Variants in FAM171A1 observed in about 807,000 individuals in gnomAD.
FAM171A1 encodes family with sequence similarity 171 member A1.
In FAM171A1, 23 loss-of-function variants were observed where a neutral mutation model predicts 74.9. That is an observed-to-expected ratio of 0.31 (90% CI 0.22 to 0.44). The LOEUF (loss-of-function observed/expected upper bound fraction) is 0.44. Among genes scored for constraint, FAM171A1 ranks in the 20% least tolerant of loss-of-function variants. FAM171A1 has a pLI of 1.00. For missense variants in FAM171A1, 1,162 were observed against 1,159.2 expected (o/e 1.00, Z -0.03); for synonymous variants, 527 against 505.7 (o/e 1.04, Z -0.57).
chr10:15,222,901 C>T (rs562229310), intron 5 of FAM171A1, among the ~76,000 whole-genome samples: 1 of 152,352 alleles, frequency 6.6e-6, no homozygotes, highest in African/African-American at 2.4e-5. Context: ...CCAGAAAGAG[C>T]AGACTGTAAG....
At chr10:15,244,369 A>G (rs1203652148) in intron 5 of FAM171A1, among the ~76,000 whole-genome samples, 1 of 152,016 alleles carries the variant, frequency 6.6e-6, no homozygotes, top group Non-Finnish European at 1.5e-5. Flanking sequence ...AAGCCCCCCA[A>G]ATTAGCTAGG....
At chr10:15,261,655 T>C (rs895789823) in intron 3 of FAM171A1, among the ~76,000 whole-genome samples, 3 of 152,090 alleles carry the variant, frequency 2.0e-5, no homozygotes, top group Non-Finnish European at 2.9e-5. Flanking sequence ...GGGCTGGTAT[T>C]TGTGAACTGT....
chr10:15,349,508 T>C (rs1436109920), intron 1 of FAM171A1, among the ~76,000 whole-genome samples: 1 of 152,188 alleles, frequency 6.6e-6, no homozygotes, highest in Non-Finnish European at 1.5e-5. Context: ...CAAGTCATTC[T>C]TGATTGCTAA....
At chr10:15,303,612 A>T (rs1346397819) in intron 1 of FAM171A1, among the ~76,000 whole-genome samples, 1 of 152,212 alleles carries the variant, frequency 6.6e-6, no homozygotes, top group African/African-American at 2.4e-5. Context: ...TACAACAGAC[A>T]ATGGGAAGTT....
At chr10:15,293,950 G>A (rs899990115) in intron 1 of FAM171A1, among the ~76,000 whole-genome samples, 58 of 152,288 alleles carry the variant, frequency 3.8e-4, no homozygotes, top group African/African-American at 1.4e-3. Context: ...GAAAAAATGG[G>A]CTGCGGTTCT....
At chr10:15,306,926 C>T (rs568202140) in intron 1 of FAM171A1, among the ~76,000 whole-genome samples, 7 of 152,312 alleles carry the variant, frequency 4.6e-5, no homozygotes, top group South Asian at 2.1e-4. Flanking sequence ...TCCTAGAGCA[C>T]GGCTTTCCAT....
intron 1 of FAM171A1, among the ~76,000 whole-genome samples, chr10:15,317,048 A>G (rs532404789): frequency 3.5e-3 from 513 of 144,760 alleles, no homozygotes; most frequent in African/African-American, 0.012. Flanking sequence ...CCTCTGGGAG[A>G]AAAAAAAAAA....
intron 1 of FAM171A1, among the ~76,000 whole-genome samples, chr10:15,355,059 A>G (rs925887369): frequency 1.3e-5 from 2 of 152,266 alleles, no homozygotes; most frequent in African/African-American, 4.8e-5. Context: ...AGTAACATCT[A>G]GAAGCTGCTT....
chr10:15,292,779 C>G (rs1835117439), intron 1 of FAM171A1, among the ~76,000 whole-genome samples: 1 of 152,120 alleles, frequency 6.6e-6, no homozygotes. Flanking sequence ...AGCCACTGCA[C>G]CGACCACCAT....
At chr10:15,357,154 G>T (rs2131885607) in intron 1 of FAM171A1, among the ~76,000 whole-genome samples, 1 of 152,008 alleles carries the variant, frequency 6.6e-6, no homozygotes, top group East Asian at 1.9e-4. Flanking sequence ...ATGGTGGCGG[G>T]CGCCTGTAAT....
intron 1 of FAM171A1, among the ~76,000 whole-genome samples, chr10:15,367,867 C>T (rs1231139193): frequency 6.6e-6 from 1 of 152,224 alleles, no homozygotes; most frequent in African/African-American, 2.4e-5. Context: ...AGTTCTTAAC[C>T]TAGCTCTGAC....
At chr10:15,358,698 C>G (rs925074177) in intron 1 of FAM171A1, among the ~76,000 whole-genome samples, 1 of 152,158 alleles carries the variant, frequency 6.6e-6, no homozygotes, top group Non-Finnish European at 1.5e-5. Context: ...TATCAAGTAC[C>G]AAGCCTCCCT....
At chr10:15,278,689 G>A (rs1471157505) in intron 2 of FAM171A1, among the ~76,000 whole-genome samples, 2 of 152,194 alleles carry the variant, frequency 1.3e-5, no homozygotes, top group African/African-American at 4.8e-5. Context: ...TCTATGGGAT[G>A]TGCAGAATAG....
chr10:15,306,926 C>G (rs568202140), intron 1 of FAM171A1, among the ~76,000 whole-genome samples: 1 of 152,194 alleles, frequency 6.6e-6, no homozygotes, highest in South Asian at 2.1e-4. Flanking sequence ...TCCTAGAGCA[C>G]GGCTTTCCAT....
intron 2 of FAM171A1, 37 bp from the exon 3 acceptor site, chr10:15,275,984 T>A (rs199920782): frequency 6.7e-7 from 1 of 1,488,332 alleles, no homozygotes; most frequent in East Asian, 2.3e-5. Flanking sequence ...GGGATTTTAA[T>A]AGTCATATTT....
At chr10:15,311,789 C>T (rs1835362543) in intron 1 of FAM171A1, among the ~76,000 whole-genome samples, 1 of 152,204 alleles carries the variant, frequency 6.6e-6, no homozygotes, top group African/African-American at 2.4e-5. Context: ...GAGAATTCTC[C>T]TCTGCCTAGC....
intron 1 of FAM171A1, among the ~76,000 whole-genome samples, chr10:15,370,605 A>T (rs1364844643): frequency 1.3e-5 from 2 of 151,758 alleles, no homozygotes; most frequent in Non-Finnish European, 2.9e-5. Flanking sequence ...CCGCGGCGAC[A>T]TGGGAGACAG....
chr10:15,241,773 G>C (rs1239925113), intron 5 of FAM171A1: 1 of 151,922 alleles, frequency 6.6e-6, no homozygotes, highest in Non-Finnish European at 1.5e-5. Context: ...CACCCTCTTA[G>C]TAAATTTTAA....
At chr10:15,346,907 G>A (rs764189442) in intron 1 of FAM171A1, among the ~76,000 whole-genome samples, 2 of 152,130 alleles carry the variant, frequency 1.3e-5, no homozygotes, top group South Asian at 2.1e-4. Context: ...AGCAGTGCCC[G>A]AGCCACTTTC....
Sources: allele counts gnomAD v4.1 joint callset (sites outside exome capture counted in the v4.1 genomes callset), GRCh38; gene constraint gnomAD v4.1.1; transcripts MANE v1.5; gene names NCBI Gene and HGNC (gene_info 2026-07-23, HGNC 2026-07-21).